Variants in PARD3B observed in about 807,000 individuals in gnomAD.
The protein encoded by PARD3B is partitioning defective 3 homolog B.
In PARD3B, 103 loss-of-function variants were observed where a neutral mutation model predicts 130.2. That is an observed-to-expected ratio of 0.79 (90% CI 0.67 to 0.93). PARD3B has a LOEUF of 0.93. Ranked by LOEUF, PARD3B falls within the 40% of genes least tolerant of loss-of-function variation. The pLI, the probability that PARD3B is intolerant of heterozygous loss-of-function variation, is 0.00. For missense variants in PARD3B, 1,609 were observed against 1,499.2 expected (o/e 1.07, Z -1.21); for synonymous variants, 583 against 553.2 (o/e 1.05, Z -0.76).
At chr2:204,989,618 GC>G (rs1212843483) in intron 3 of PARD3B, among the ~76,000 whole-genome samples, 1 of 151,846 alleles carries the variant, frequency 6.6e-6, no homozygotes, top group East Asian at 1.9e-4. Flanking sequence ...TCATTCCTTT[GC>G]TTTTCTTTAT....
rs902950751 is a variant in PARD3B, at chr2:205,584,130, C to A, written c.3260+30727C>A. On this transcript the variant is annotated intron_variant, in intron 22 of 22. Transcript: ENST00000406610. The surrounding 1 kb of genome is among the most constrained non-coding windows in gnomAD (Gnocchi z 5.5). Reference sequence around the variant, plus strand: ...CAATTGGAAATAATTCTTTGTAGATCTGCACTCCAATATGGTAGCCGCAAC... The same window carrying A: ...CAATTGGAAATAATTCTTTGTAGATATGCACTCCAATATGGTAGCCGCAAC... 5.3e-5 allele frequency among the ~76,000 whole-genome samples: 8 copies of A among 152,172 alleles called. No individual in the cohort carries two copies. Among genetic ancestry groups the A allele is most frequent in the African/African-American group, 1.4e-4 (6 of 41,440 alleles).
At chr2:204,828,608 C>T (rs989613401) in intron 2 of PARD3B, among the ~76,000 whole-genome samples, 1 of 152,160 alleles carries the variant, frequency 6.6e-6, no homozygotes, top group Non-Finnish European at 1.5e-5. Context: ...CCCTGCCTAA[C>T]CAAGAAGATA....
Position 205,011,795 on chromosome 2 carries a change from GT to G in PARD3B, c.395-35774del, listed in dbSNP as rs376303989. ...ATTTGACTCTTCCTTAGTTTTCTGG[GT>G]TTTTTTTTTTTACAACCATGCATCA... On this transcript the variant is annotated intron_variant, in intron 3 of 22. Coordinates refer to ENST00000406610, the MANE Select transcript of PARD3B (RefSeq NM_001302769.2). This position sits in a 1 kb window ranked among gnomAD's most constrained non-coding sequence, Gnocchi z 4.1. 9.0e-4 allele frequency among the ~76,000 whole-genome samples: 130 copies of G among 144,978 alleles called. No homozygotes were observed. The highest frequency in any genetic ancestry group is 9.7e-4 in the Admixed American group (14 of 14,436).
rs935701234 is a variant in PARD3B, at chr2:204,664,364, A to C, written c.121-21817A>C. Reference sequence around the variant, plus strand: ...ATCTGGGAGTGTCTGTTGTGTTTGCATGCACCAGATGAGCTGGAGAAGTTG... The same window carrying C: ...ATCTGGGAGTGTCTGTTGTGTTTGCCTGCACCAGATGAGCTGGAGAAGTTG... On this transcript the variant is annotated intron_variant, in intron 1 of 22. Coordinates refer to ENST00000406610, the MANE Select transcript of PARD3B (RefSeq NM_001302769.2). This position sits in a 1 kb window ranked among gnomAD's most constrained non-coding sequence, Gnocchi z 5.2. 6.6e-6 allele frequency among the ~76,000 whole-genome samples: 1 copy of C among 152,188 alleles called. No individual in the cohort carries two copies. Among genetic ancestry groups the C allele is most frequent in the Non-Finnish European group, 1.5e-5 (1 of 68,024 alleles).
rs556304020 is a variant in PARD3B, at chr2:205,181,623, G to A, written c.1925-4141G>A. On this transcript the variant is annotated intron_variant, in intron 13 of 22. Coordinates refer to ENST00000406610, the MANE Select transcript of PARD3B (RefSeq NM_001302769.2). ...ATTTGCAAAGGCAGGTGGCAAGCTG[G>A]TTTTGGACCAGGGCCATAGCTTGCT... Among the ~76,000 whole-genome samples, 3 of 152,318 alleles carry A rather than the reference G, an allele frequency of 2.0e-5. No individual in the cohort carries two copies. The East Asian group carries it at 5.8e-4, about 29-fold the overall frequency.
chr2:205,144,000 T>C (rs886221126), intron 10 of PARD3B, among the ~76,000 whole-genome samples: 1 of 152,078 alleles, frequency 6.6e-6, no homozygotes, highest in Non-Finnish European at 1.5e-5. Context: ...GTGGATGGGA[T>C]TATTAGTTTT....
intron 2 of PARD3B, among the ~76,000 whole-genome samples, chr2:204,945,268 G>A (rs1387398721): frequency 6.6e-6 from 1 of 152,192 alleles, no homozygotes; most frequent in Non-Finnish European, 1.5e-5. Flanking sequence ...GGGGATCATG[G>A]AGGGTGATGG....
At chr2:205,177,179 G>A (rs1242317185) in intron 13 of PARD3B, among the ~76,000 whole-genome samples, 1 of 151,466 alleles carries the variant, frequency 6.6e-6, no homozygotes, top group Admixed American at 6.6e-5. Flanking sequence ...TATACTTCAG[G>A]TCACCAAGAA....
At chr2:205,439,868 G>C (rs954503543) in intron 19 of PARD3B, among the ~76,000 whole-genome samples, 1 of 152,110 alleles carries the variant, frequency 6.6e-6, no homozygotes, top group Non-Finnish European at 1.5e-5. Flanking sequence ...GAAAGCCTCT[G>C]TATTTCTTTT....
At chr2:204,640,811 G>A (rs990954071) in intron 1 of PARD3B, among the ~76,000 whole-genome samples, 2 of 151,646 alleles carry the variant, frequency 1.3e-5, no homozygotes, top group Non-Finnish European at 2.9e-5. Flanking sequence ...AAAGCATGAG[G>A]CACTGTTCTT....
rs1285735035 is a variant in PARD3B at position 204,675,778 on chromosome 2, T to C, written c.121-10403T>C. Among the ~76,000 whole-genome samples the C allele has an allele frequency of 1.3e-5, 2 of 152,198 alleles. No individual in the cohort carries two copies. The highest frequency in any genetic ancestry group is 2.9e-5 in the Non-Finnish European group (2 of 68,036). Reference sequence around the variant, plus strand: ...TGAACTAGGAAGTGAAATATATGTCTCAATACTTAAATATTTTTCTATTTG... The same window carrying C: ...TGAACTAGGAAGTGAAATATATGTCCCAATACTTAAATATTTTTCTATTTG... On this transcript the variant is annotated intron_variant, in intron 1 of 22. Coordinates refer to ENST00000406610, the MANE Select transcript of PARD3B (RefSeq NM_001302769.2). The surrounding 1 kb of genome is among the most constrained non-coding windows in gnomAD (Gnocchi z 4.4).
chr2:205,205,196 A>G (rs1231536251), intron 15 of PARD3B, among the ~76,000 whole-genome samples: 1 of 152,052 alleles, frequency 6.6e-6, no homozygotes, highest in Non-Finnish European at 1.5e-5. Flanking sequence ...TAGGTATTTT[A>G]TTCCCTTTGT....
chr2:204,925,433 A>T (rs1332300484), intron 2 of PARD3B, among the ~76,000 whole-genome samples: 1 of 152,062 alleles, frequency 6.6e-6, no homozygotes, highest in African/African-American at 2.4e-5. Context: ...TCAGGTTTTG[A>T]CCTTGTAATT....
At chr2:205,609,469 A>G (rs1050688865) in intron 22 of PARD3B, among the ~76,000 whole-genome samples, 5 of 152,186 alleles carry the variant, frequency 3.3e-5, no homozygotes, top group Non-Finnish European at 7.3e-5. Flanking sequence ...GGAGTTTTAC[A>G]TCATGTTACT....
chr2:204,627,482 C>T (rs1284348489), intron 1 of PARD3B, among the ~76,000 whole-genome samples: 1 of 152,120 alleles, frequency 6.6e-6, no homozygotes, highest in Non-Finnish European at 1.5e-5. Context: ...AGTTATAGAA[C>T]ATTAGCATCA....
intron 21 of PARD3B, among the ~76,000 whole-genome samples, chr2:205,526,792 A>T (rs546863678): frequency 1.3e-5 from 2 of 152,324 alleles, no homozygotes; most frequent in Admixed American, 1.3e-4. Context: ...AAGGTATGCA[A>T]TGGCCAAAGC....
intron 18 of PARD3B, among the ~76,000 whole-genome samples, chr2:205,344,697 G>A (rs1270543436): frequency 2.0e-5 from 3 of 152,134 alleles, no homozygotes; most frequent in Admixed American, 2.0e-4. Flanking sequence ...TTTTATTTCT[G>A]TACTGTCAGC....
intron 2 of PARD3B, among the ~76,000 whole-genome samples, chr2:204,889,648 A>C (rs779114928): frequency 7.2e-5 from 11 of 152,254 alleles, no homozygotes; most frequent in Non-Finnish European, 1.2e-4. Flanking sequence ...ACAGATGTTT[A>C]AACAAAAAAT....
At chr2:204,983,727 T>C (rs950214596) in intron 3 of PARD3B, among the ~76,000 whole-genome samples, 1 of 152,214 alleles carries the variant, frequency 6.6e-6, no homozygotes, top group African/African-American at 2.4e-5. Context: ...AGACACAACA[T>C]CCTTATCCTT....
Sources: gnomAD v4.1 joint callset for allele counts (sites outside exome capture counted in the v4.1 genomes callset) on GRCh38, gnomAD v4.1.1 for gene constraint, Gnocchi (gnomAD v3.1) non-coding constraint, MANE v1.5 for transcripts, NCBI Gene and HGNC (gene_info 2026-07-23, HGNC 2026-07-21) for gene names.